Variants in DDX46 observed in about 807,000 individuals in gnomAD.
DDX46 encodes probable ATP-dependent RNA helicase DDX46.
Under a neutral mutation model 134.9 loss-of-function variants are expected in DDX46, and 30 were observed. The ratio of observed to expected loss-of-function variants is 0.22; its 90% confidence interval spans 0.17 to 0.30. The LOEUF (loss-of-function observed/expected upper bound fraction) is 0.30, where lower values mean the gene tolerates loss of function less well. Ranked by LOEUF, DDX46 falls within the 10% of genes least tolerant of loss-of-function variation. The pLI, the probability that DDX46 is intolerant of heterozygous loss-of-function variation, is 1.00. For missense variants in DDX46, 622 were observed against 1,248.7 expected (o/e 0.50, Z 7.56); for synonymous variants, 415 against 404.1 (o/e 1.03, Z -0.32).
chr5:134,809,563 T>G (rs537932898), intron 16 of DDX46, among the ~76,000 whole-genome samples: 3 of 151,946 alleles, frequency 2.0e-5, no homozygotes, highest in East Asian at 3.9e-4. Flanking sequence ...GAGACGGGGT[T>G]TCTACTAAAA....
intron 5 of DDX46, among the ~76,000 whole-genome samples, chr5:134,777,308 A>G (rs1351459604): frequency 6.6e-6 from 1 of 152,216 alleles, no homozygotes; most frequent in Non-Finnish European, 1.5e-5. Flanking sequence ...CTTTTTTGGC[A>G]TAATTAATCT....
chr5:134,784,692 C>A, intron 10 of DDX46, 151 bp downstream of exon 10: 1 of 742,376 alleles, frequency 1.3e-6, no homozygotes, highest in East Asian at 3.6e-5. Context: ...CTGATTTCCC[C>A]TTACCAGCAG....
chr5:134,823,157 CTTTTTTTT>C (rs201053941), intron 21 of DDX46, among the ~76,000 whole-genome samples: 5 of 111,220 alleles, frequency 4.5e-5, no homozygotes, highest in African/African-American at 1.0e-4. Context: ...TTAATTTCAT[CTTTTTTTT>C]TTTTTTTTTT....
intron 13 of DDX46, among the ~76,000 whole-genome samples, chr5:134,791,993 A>G (rs1427875870): frequency 1.3e-5 from 2 of 152,194 alleles, no homozygotes; most frequent in African/African-American, 2.4e-5. Context: ...CCTGGCCAAC[A>G]TCGTGAAACC....
chr5:134,814,688 C>T (rs1403434597), intron 18 of DDX46, among the ~76,000 whole-genome samples: 2 of 152,202 alleles, frequency 1.3e-5, no homozygotes, highest in Non-Finnish European at 2.9e-5. Context: ...GTGATCTTGG[C>T]TCACTGTAGC....
At chr5:134,764,897 C>A (rs1318014066) in intron 2 of DDX46, among the ~76,000 whole-genome samples, 1 of 151,436 alleles carries the variant, frequency 6.6e-6, no homozygotes, top group African/African-American at 2.4e-5. Context: ...CTTCCTCCCT[C>A]ACTCTTTCTC....
At chr5:134,813,772 C>A (rs996668650) in intron 18 of DDX46, among the ~76,000 whole-genome samples, 2 of 152,004 alleles carry the variant, frequency 1.3e-5, no homozygotes, top group Non-Finnish European at 2.9e-5. Flanking sequence ...CACCACCATG[C>A]CCTGTTAATA....
intron 18 of DDX46, 110 bp from the exon 19 acceptor site, chr5:134,816,316 ACTAT>A (rs1252046676): frequency 6.3e-6 from 6 of 956,896 alleles, no homozygotes; most frequent in African/African-American, 3.3e-5. Flanking sequence ...TGTAAATATA[ACTAT>A]CTGATTCCAG....
chr5:134,767,964 A>C, intron 3 of DDX46, among the ~76,000 whole-genome samples: 1 of 151,624 alleles, frequency 6.6e-6, no homozygotes, highest in East Asian at 2.0e-4. Flanking sequence ...AAAAAAAAAC[A>C]AAAAAAAGTT....
At chr5:134,783,885 A>G (rs1050749811) in intron 9 of DDX46, among the ~76,000 whole-genome samples, 2 of 139,950 alleles carry the variant, frequency 1.4e-5, no homozygotes, top group South Asian at 2.3e-4. Flanking sequence ...GGGTGTCGCT[A>G]TGTTGACCAG....
chr5:134,817,342 A>G (rs1317131474), intron 19 of DDX46, 154 bp from the exon 20 acceptor site: 2 of 687,588 alleles, frequency 2.9e-6, no homozygotes, highest in Non-Finnish European at 4.7e-6. Context: ...ATATATTGCT[A>G]AATCACACAT....
chr5:134,793,156 CA>C (rs1403443031), intron 13 of DDX46, among the ~76,000 whole-genome samples: 36 of 151,644 alleles, frequency 2.4e-4, no homozygotes, highest in Non-Finnish European at 5.0e-4. Flanking sequence ...GACCGTGTCT[CA>C]AGAAAAAAGA....
chr5:134,824,144 A>G (rs1316614531), intron 21 of DDX46, among the ~76,000 whole-genome samples: 1 of 152,162 alleles, frequency 6.6e-6, no homozygotes, highest in Non-Finnish European at 1.5e-5. Flanking sequence ...CACAGCTCCG[A>G]TGTAGTTTTC....
At chr5:134,815,496 C>G (rs762002131) in intron 18 of DDX46, among the ~76,000 whole-genome samples, 2 of 151,844 alleles carry the variant, frequency 1.3e-5, no homozygotes, top group African/African-American at 4.8e-5. Context: ...ATCACGAGGT[C>G]AGGAGATGAG....
At chr5:134,784,337 C>T in intron 9 of DDX46, 29 bp from the exon 10 acceptor site, 1 of 1,575,972 alleles carries the variant, frequency 6.3e-7, no homozygotes, top group Non-Finnish European at 8.6e-7. Flanking sequence ...TCAATTCTTA[C>T]CTTTTCTTCC....
chr5:134,797,775 A>G (rs1049583195), intron 15 of DDX46, among the ~76,000 whole-genome samples: 8 of 152,216 alleles, frequency 5.3e-5, no homozygotes, highest in East Asian at 1.9e-4. Context: ...GGCTTTGAAG[A>G]TTTGTGTTTG....
At chr5:134,790,239 T>C in intron 12 of DDX46, 1 of 618,656 alleles carries the variant, frequency 1.6e-6, no homozygotes, top group South Asian at 1.5e-5. Context: ...AAGAGACGAG[T>C]TTGACAAAAT....
chr5:134,784,609 T>C (rs1336804916), intron 10 of DDX46, 68 bp downstream of exon 10: 1 of 1,444,112 alleles, frequency 6.9e-7, no homozygotes, highest in African/African-American at 1.4e-5. Flanking sequence ...GACCTTATAG[T>C]TTATAATGTT....
chr5:134,814,701 C>T (rs190907026), intron 18 of DDX46, among the ~76,000 whole-genome samples: 206 of 152,274 alleles, frequency 1.4e-3, no homozygotes, highest in African/African-American at 4.8e-3. Context: ...ACTGTAGCCT[C>T]GACCTCCTGG....
Sources: gnomAD v4.1 joint callset for allele counts (sites outside exome capture counted in the v4.1 genomes callset) on GRCh38, gnomAD v4.1.1 for gene constraint, MANE v1.5 for transcripts, NCBI Gene and HGNC (gene_info 2026-07-23, HGNC 2026-07-21) for gene names.